The following USP32 variants were observed in gnomAD, a reference collection of about 807,000 sequenced individuals.
The protein encoded by USP32 is ubiquitin specific peptidase 32.
USP32 carries 59 observed loss-of-function variants against 204.8 expected under a neutral mutation model. The ratio of observed to expected loss-of-function variants is 0.29; its 90% CI spans 0.23 to 0.36. USP32 has a LOEUF of 0.36. Ranked by LOEUF, USP32 falls within the 10% of genes least tolerant of loss-of-function variation. The probability of loss-of-function intolerance (pLI) is 1.00; values close to 1 mark genes in which losing one functional copy is unlikely to be tolerated. For missense variants in USP32, 1,160 were observed against 1,946.4 expected, an observed-to-expected ratio of 0.60 and a Z score of 7.60; for synonymous variants, 517 against 678.4, an observed-to-expected ratio of 0.76 and a Z score of 3.70.
At chr17:60,303,722 A>T (rs1210984982) in intron 2 of USP32, among the ~76,000 whole-genome samples, 1 of 152,220 alleles carries the variant, frequency 6.6e-6, no homozygotes, top group African/African-American at 2.4e-5. Flanking sequence ...ATAAATTTTA[A>T]GTCACAGAAA....
chr17:60,204,812 C>CCAGCCTGG (rs2084781271), intron 26 of USP32, among the ~76,000 whole-genome samples: 1 of 151,112 alleles, frequency 6.6e-6, no homozygotes, highest in Non-Finnish European at 1.5e-5. Context: ...AGGGTCTTGC[C>CCAGCCTGG]CAGCCTGGAA....
At chr17:60,417,006 C>A (rs903134235) in intron 1 of USP32, among the ~76,000 whole-genome samples, 3 of 149,526 alleles carry the variant, frequency 2.0e-5, no homozygotes, top group African/African-American at 7.4e-5. Flanking sequence ...CAACCTCCCC[C>A]TCTTGGGTTC....
At chr17:60,338,847 T>C (rs2088586565) in intron 2 of USP32, among the ~76,000 whole-genome samples, 1 of 152,234 alleles carries the variant, frequency 6.6e-6, no homozygotes, top group African/African-American at 2.4e-5. Flanking sequence ...CATTATTTTA[T>C]TCAAGTAATA....
intron 11 of USP32, among the ~76,000 whole-genome samples, chr17:60,242,079 T>C (rs1275646210): frequency 1.3e-5 from 2 of 152,222 alleles, no homozygotes; most frequent in African/African-American, 4.8e-5. Context: ...ATAATCTGTT[T>C]GTGTATGGAT....
At chr17:60,392,210 C>T (rs769660216), upstream of USP32, 4 of 503,798 alleles carry the variant, frequency 7.9e-6, no homozygotes, top group East Asian at 3.6e-5. Context: ...CTCTCCTTCC[C>T]TCCTCACGCC....
At chr17:60,391,771 C>T (rs2089838842) in intron 1 of USP32, 111 bp downstream of exon 1, 1 of 1,250,948 alleles carries the variant, frequency 8.0e-7, no homozygotes, top group Non-Finnish European at 1.1e-6. Flanking sequence ...CTTTCCCTTC[C>T]GCCTCAGGCG....
chr17:60,345,075 T>TCATTTACA (rs1241926546), intron 2 of USP32, among the ~76,000 whole-genome samples: 1 of 152,232 alleles, frequency 6.6e-6, no homozygotes, highest in Admixed American at 6.5e-5. Context: ...AGTTAGTATT[T>TCATTTACA]CATTTACAAC....
rs1028017121 is a variant in USP32, at chr17:60,223,733, G to C, written c.1433-147C>G. 2.5e-5 allele frequency: 16 copies of C among 641,126 alleles called. No homozygotes were observed. The African/African-American group carries it at 3.0e-4, about 12-fold the overall frequency. 39.7% of individuals were successfully genotyped at this position (641,126 alleles called of 1,614,324 possible). On this transcript the variant is annotated intron_variant, in intron 13 of 33. Transcript: ENST00000300896. ...ATTCTGGTAATTCTGTAGAAGACAG[G>C]AAATGTTATCCTTCTCTGAACAATA...
rs73990403 is a variant in USP32, at chr17:60,415,074, G to A, written c.106+7172C>T. Among the ~76,000 whole-genome samples the A allele has an allele frequency of 2.9e-3, 438 of 152,168 alleles. 2 individuals are homozygous for A. Among genetic ancestry groups the A allele is most frequent in the African/African-American group, 0.01 (418 of 41,510 alleles). Reference sequence around the variant, plus strand: ...CCTCTATAAAGAAAATAAATTTTTCGTTATTTTCATGCTTGGGGAGGGTGG... The same window carrying A: ...CCTCTATAAAGAAAATAAATTTTTCATTATTTTCATGCTTGGGGAGGGTGG... On this transcript the variant is annotated intron_variant, in intron 1 of 3. Transcript: ENST00000588898.
chr17:60,382,973 C>T (rs904654210), intron 1 of USP32, among the ~76,000 whole-genome samples: 1 of 152,016 alleles, frequency 6.6e-6, no homozygotes, highest in Non-Finnish European at 1.5e-5. Context: ...ACAGGCCGGG[C>T]GCGGTGGTTC....
intron 1 of USP32, among the ~76,000 whole-genome samples, chr17:60,390,551 A>C (rs1020599281): frequency 5.3e-5 from 8 of 152,196 alleles, no homozygotes; most frequent in East Asian, 3.8e-4. Flanking sequence ...AAAAGAAAGA[A>C]AGACATAAAA....
At chr17:60,394,823 A>T (rs942235661), upstream of USP32, among the ~76,000 whole-genome samples, 1 of 152,094 alleles carries the variant, frequency 6.6e-6, no homozygotes, top group African/African-American at 2.4e-5. Flanking sequence ...GGTTCACTGC[A>T]GCCTCTGCCT....
At chr17:60,253,885 C>A (rs1044086114) in intron 10 of USP32, among the ~76,000 whole-genome samples, 1 of 152,114 alleles carries the variant, frequency 6.6e-6, no homozygotes, top group African/African-American at 2.4e-5. Flanking sequence ...ATAAAGCCAT[C>A]GACTTGAATC....
rs562878153 is a variant in USP32 at position 60,181,828 on chromosome 17, AG to A, written c.4124-81del. On this transcript the variant is annotated intron_variant, in intron 31 of 33. Transcript: ENST00000300896. ...AGCCCCAAATGCTACCTCTGAGGTT[AG>A]CTTCACAACTGTACACACAAAGGTA... 154 of 1,543,862 alleles carry A rather than the reference AG, an allele frequency of 1.0e-4. No individual in the cohort carries two copies. The African/African-American group carries it at 2.1e-3, about 21-fold the overall frequency.
intron 16 of USP32, among the ~76,000 whole-genome samples, chr17:60,216,623 T>G (rs2085110478): frequency 6.6e-6 from 1 of 152,292 alleles, no homozygotes; most frequent in Admixed American, 6.5e-5. Context: ...AAACAATGAC[T>G]TCTATAGCCT....
chr17:60,363,178 G>A (rs984501445), intron 1 of USP32, among the ~76,000 whole-genome samples: 1 of 151,648 alleles, frequency 6.6e-6, no homozygotes, highest in African/African-American at 2.4e-5. Flanking sequence ...TTTGAGGCCA[G>A]GCGCGGTGGC....
At chr17:60,304,402 C>G (rs1205735817) in intron 2 of USP32, among the ~76,000 whole-genome samples, 2 of 149,760 alleles carry the variant, frequency 1.3e-5, no homozygotes, top group African/African-American at 4.9e-5. Flanking sequence ...GAAGTCATTA[C>G]CAGCAAAAAG....
intron 1 of USP32, among the ~76,000 whole-genome samples, chr17:60,403,661 G>C (rs2089953487): frequency 6.6e-6 from 1 of 152,166 alleles, no homozygotes; most frequent in African/African-American, 2.4e-5. Flanking sequence ...AGGAAAGGGG[G>C]TCGTGATGTA....
chr17:60,327,096 T>A (rs1468947709), intron 2 of USP32, among the ~76,000 whole-genome samples: 2 of 152,166 alleles, frequency 1.3e-5, no homozygotes, highest in Non-Finnish European at 2.9e-5. Flanking sequence ...AACAATTGGT[T>A]GTATATTTTC....
Sources: allele counts gnomAD v4.1 joint callset (sites outside exome capture counted in the v4.1 genomes callset), GRCh38; gene constraint gnomAD v4.1.1; transcripts MANE v1.5; gene names NCBI Gene and HGNC (gene_info 2026-07-23, HGNC 2026-07-21).